The following GRHL2 variants were observed in gnomAD, a reference collection of about 807,000 sequenced individuals.
The protein encoded by GRHL2 is grainyhead like transcription factor 2.
In GRHL2, 21 loss-of-function variants were observed where a neutral mutation model predicts 83.8. That is an observed-to-expected ratio of 0.25 (90% CI 0.18 to 0.36). The LOEUF (loss-of-function observed/expected upper bound fraction) is 0.36. Among genes scored for constraint, GRHL2 ranks in the 10% least tolerant of loss-of-function variants. The pLI, the probability that GRHL2 is intolerant of heterozygous loss-of-function variation, is 1.00. For missense variants in GRHL2, 623 were observed against 781.8 expected (o/e 0.80, Z 2.42); for synonymous variants, 280 against 278.9 (o/e 1.00, Z -0.04).
chr8:101,495,098 C>T (rs1810068369), intron 1 of GRHL2, among the ~76,000 whole-genome samples: 1 of 152,218 alleles, frequency 6.6e-6, no homozygotes, highest in African/African-American at 2.4e-5. Context: ...GAAGCTTATG[C>T]AACTATGTGT....
intron 8 of GRHL2, among the ~76,000 whole-genome samples, chr8:101,601,408 ACT>A (rs1812512147): frequency 1.3e-5 from 2 of 152,130 alleles, no homozygotes; most frequent in Non-Finnish European, 2.9e-5. Flanking sequence ...GAAGCTTCAG[ACT>A]CTGCAGTAAA....
At chr8:101,536,555 T>A (rs1349110054) in intron 1 of GRHL2, among the ~76,000 whole-genome samples, 1 of 152,206 alleles carries the variant, frequency 6.6e-6, no homozygotes, top group Non-Finnish European at 1.5e-5. Flanking sequence ...CACAGAAAGG[T>A]TAACTAAGTA....
the GRHL2 span, among the ~76,000 whole-genome samples, chr8:101,678,275 C>T: frequency 3.2e-3 from 494 of 152,204 alleles, 3 homozygotes; most frequent in Non-Finnish European, 4.4e-3. Flanking sequence ...ACTTGGGAAG[C>T]GCAAGGGGTC....
At chr8:101,673,329 T>C (rs1239380657), downstream of GRHL2, among the ~76,000 whole-genome samples, 2 of 151,920 alleles carry the variant, frequency 1.3e-5, no homozygotes, top group Non-Finnish European at 1.5e-5. Flanking sequence ...GAGACACACA[T>C]AGGCTCAAAA....
chr8:101,515,635 G>C (rs990388147), intron 1 of GRHL2, among the ~76,000 whole-genome samples: 2 of 152,126 alleles, frequency 1.3e-5, no homozygotes, highest in Admixed American at 6.5e-5. Flanking sequence ...GCAGTGCAGA[G>C]GTTGGATGGG....
Position 101,553,238 on chromosome 8 carries a change from G to T in GRHL2, c.284+456G>T, listed in dbSNP as rs149455741. On this transcript the variant is annotated intron_variant, in intron 3 of 15. Transcript: ENST00000646743. ...GGTGGAGGCGACTGTAAGGGCTATCGCTGTCAGGGTGAAGGGGCAGGACAG... is the reference window on the plus strand; with the variant it reads ...GGTGGAGGCGACTGTAAGGGCTATCTCTGTCAGGGTGAAGGGGCAGGACAG... Among the ~76,000 whole-genome samples the T allele has an allele frequency of 4.4e-4, 67 of 152,338 alleles. 1 individual carries two copies. In the East Asian group the frequency reaches 0.012, roughly 28 times the overall value.
intron 7 of GRHL2, 40 bp from the exon 8 acceptor site, chr8:101,599,017 C>A: frequency 7.2e-7 from 1 of 1,392,736 alleles, no homozygotes; most frequent in South Asian, 1.2e-5. Context: ...CTGAGTCACT[C>A]TTACTCCTTT....
chr8:101,671,615 G>A (rs1563638614), downstream of GRHL2, among the ~76,000 whole-genome samples: 1 of 152,200 alleles, frequency 6.6e-6, no homozygotes. Flanking sequence ...TGGGGGCAGG[G>A]CACAGACAAA....
chr8:101,563,304 T>C (rs1197764378), intron 4 of GRHL2, among the ~76,000 whole-genome samples: 1 of 152,148 alleles, frequency 6.6e-6, no homozygotes, highest in African/African-American at 2.4e-5. Flanking sequence ...CTTAAGACAG[T>C]GATTCACCAA....
chr8:101,608,195 T>C (rs1245335165), intron 8 of GRHL2, among the ~76,000 whole-genome samples: 2 of 152,208 alleles, frequency 1.3e-5, no homozygotes, highest in Non-Finnish European at 2.9e-5. Context: ...TAATGAGGAA[T>C]TTGAAGCCCA....
intron 9 of GRHL2, among the ~76,000 whole-genome samples, chr8:101,627,909 G>A (rs1813111261): frequency 6.6e-6 from 1 of 152,124 alleles, no homozygotes; most frequent in Admixed American, 6.6e-5. Flanking sequence ...TCAACTCTAT[G>A]AAGGCTGAGA....
chr8:101,498,346 C>T (rs915520322), intron 1 of GRHL2, among the ~76,000 whole-genome samples: 1 of 152,170 alleles, frequency 6.6e-6, no homozygotes, highest in Non-Finnish European at 1.5e-5. Flanking sequence ...TCTCAAACTC[C>T]TGACCTCAAG....
At chr8:101,580,758 C>T (rs569772305) in intron 7 of GRHL2, among the ~76,000 whole-genome samples, 165 of 152,040 alleles carry the variant, frequency 1.1e-3, no homozygotes, top group Non-Finnish European at 2.1e-3. Context: ...GGCTGGAGTG[C>T]GGTGGCATGA....
chr8:101,648,800 C>T (rs564873325), intron 13 of GRHL2, among the ~76,000 whole-genome samples: 2 of 152,192 alleles, frequency 1.3e-5, no homozygotes, highest in African/African-American at 2.4e-5. Flanking sequence ...CCTGCATTCA[C>T]GCACACACAA....
At position 101,549,316 on chromosome 8, in the gene GRHL2, T is replaced by C. The variant is rs184964922; in HGVS notation, c.217-3399T>C. ...TTTGAGACTACCTACCTGAGAGTAA[T>C]GGGAAGCACTGATGGGTTTTAAGTA... On this transcript the variant is annotated intron_variant, in intron 2 of 15. Transcript: ENST00000646743. 1.1e-4 allele frequency among the ~76,000 whole-genome samples: 16 copies of C among 152,240 alleles called. 1 individual carries two copies. Among genetic ancestry groups the C allele is most frequent in the Admixed American group, 6.5e-4 (10 of 15,286 alleles).
chr8:101,631,658 G>A lies in GRHL2; in HGVS notation c.1279G>A (p.Asp427Asn). Residue 427 changes from aspartate to asparagine, a missense_variant, in exon 10 of 16, where the codon GAT (aspartate) becomes AAT (asparagine). By Grantham distance (23) the Asp-to-Asn change is conservative. Transcript: ENST00000646743. ...TCAGGGAGCAGAAAGAAAAATCCGAGATGAAGAGCGGAAGCAGAACAGGAA... is the reference window on the plus strand; with the variant it reads ...TCAGGGAGCAGAAAGAAAAATCCGAAATGAAGAGCGGAAGCAGAACAGGAA... Reference protein sequence around the residue: ...CDKGAERKIRDEERKQNRKKG... With the variant: ...CDKGAERKIRNEERKQNRKKG... 6.2e-7 allele frequency: 1 copy of A among 1,613,662 alleles called. No individual in the cohort carries two copies. Among genetic ancestry groups the A allele is most frequent in the Non-Finnish European group, 8.5e-7 (1 of 1,179,730 alleles).
chr8:101,553,284 A>G (rs891960177), intron 3 of GRHL2, among the ~76,000 whole-genome samples: 1 of 152,210 alleles, frequency 6.6e-6, no homozygotes, highest in African/African-American at 2.4e-5. Context: ...TCACCATGGA[A>G]CACCCCTTGT....
At chr8:101,632,916 A>G (rs1355400153) in intron 11 of GRHL2, among the ~76,000 whole-genome samples, 2 of 152,254 alleles carry the variant, frequency 1.3e-5, no homozygotes, top group Non-Finnish European at 2.9e-5. Flanking sequence ...GTGAAACGAA[A>G]GATCTCAAAC....
chr8:101,521,625 C>G (rs1400425916), intron 1 of GRHL2, among the ~76,000 whole-genome samples: 2 of 152,178 alleles, frequency 1.3e-5, no homozygotes, highest in Non-Finnish European at 2.9e-5. Context: ...ACAGTAGGTG[C>G]TCAGTTAAGA....
Sources: gnomAD v4.1 joint callset for allele counts (sites outside exome capture counted in the v4.1 genomes callset) on GRCh38, gnomAD v4.1.1 for gene constraint, MANE v1.5 for transcripts, NCBI Gene and HGNC (gene_info 2026-07-23, HGNC 2026-07-21) for gene names.